Variants in NEGR1 observed in about 807,000 individuals in gnomAD.
The protein encoded by NEGR1 is IgLON family member 4.
A neutral mutation model predicts 40.9 loss-of-function variants in NEGR1; 10 were observed. The ratio of observed to expected loss-of-function variants is 0.24; its 90% confidence interval spans 0.15 to 0.42. The LOEUF (loss-of-function observed/expected upper bound fraction) is 0.42. NEGR1 is among the 10% of genes least tolerant of loss of function. NEGR1 has a pLI of 1.00. For synonymous variants in NEGR1, 185 were observed against 166.8 expected (o/e 1.11, Z -0.84); for missense variants, 352 against 438.9 (o/e 0.80, Z 1.77).
chr1:71,784,079 G>A (rs1202703006), intron 2 of NEGR1, among the ~76,000 whole-genome samples: 1 of 152,198 alleles, frequency 6.6e-6, no homozygotes, highest in East Asian at 1.9e-4. Flanking sequence ...TATTGGACAA[G>A]GCTTTTTGAA....
At chr1:72,220,222 T>A (rs1653966496) in intron 1 of NEGR1, among the ~76,000 whole-genome samples, 1 of 151,646 alleles carries the variant, frequency 6.6e-6, no homozygotes, top group African/African-American at 2.4e-5. Flanking sequence ...GATAAAAAAA[T>A]TCCCTACTCT....
At position 71,715,201 on chromosome 1, in the gene NEGR1, T is replaced by A. The variant is rs530538179; in HGVS notation, c.536-17062A>T. Among the ~76,000 whole-genome samples, 3 of 152,340 alleles carry A rather than the reference T, an allele frequency of 2.0e-5. No individual in the cohort carries two copies. In the South Asian group the frequency reaches 6.2e-4, roughly 32 times the overall value. ...TACATTGATCCCTTTCAGTCGTGGCTGGGATGCAGGGCACCAAGTCCTGAG... is the reference window on the plus strand; with the variant it reads ...TACATTGATCCCTTTCAGTCGTGGCAGGGATGCAGGGCACCAAGTCCTGAG... On this transcript the variant is annotated intron_variant, in intron 3 of 6. Coordinates refer to ENST00000357731, the MANE Select transcript of NEGR1 (RefSeq NM_173808.3).
At chr1:72,201,466 A>G (rs2100447209) in intron 1 of NEGR1, among the ~76,000 whole-genome samples, 1 of 151,960 alleles carries the variant, frequency 6.6e-6, no homozygotes, top group South Asian at 2.1e-4. Flanking sequence ...ATAGTTCAAG[A>G]TATTTTAATG....
intron 1 of NEGR1, among the ~76,000 whole-genome samples, chr1:72,011,111 A>G (rs1388516555): frequency 6.6e-6 from 1 of 152,164 alleles, no homozygotes; most frequent in Non-Finnish European, 1.5e-5. Flanking sequence ...ATTATCTAAT[A>G]TAGTACCCTC....
chr1:71,498,831 T>G (rs11209788), intron 6 of NEGR1, among the ~76,000 whole-genome samples: 37,805 of 152,034 alleles, frequency 0.25, 6,058 homozygotes, highest in East Asian at 0.57. Flanking sequence ...GGTCACTACT[T>G]CACTATAGGG....
intron 2 of NEGR1, among the ~76,000 whole-genome samples, chr1:71,778,347 T>C (rs544439894): frequency 3.4e-4 from 52 of 152,140 alleles, no homozygotes; most frequent in Non-Finnish European, 5.3e-4. Flanking sequence ...GTATAGTATT[T>C]GATAATCTAC....
chr1:72,053,824 T>C (rs1206688406), intron 1 of NEGR1, among the ~76,000 whole-genome samples: 1 of 150,914 alleles, frequency 6.6e-6, no homozygotes, highest in East Asian at 2.0e-4. Flanking sequence ...GAATATCAAT[T>C]GCAGAAGATT....
At chr1:72,055,190 C>A (rs1030322597) in intron 1 of NEGR1, among the ~76,000 whole-genome samples, 6 of 151,068 alleles carry the variant, frequency 4.0e-5, no homozygotes, top group African/African-American at 1.5e-4. Flanking sequence ...TTATGAATAT[C>A]TTTTGAGGCT....
At position 72,081,494 on chromosome 1, in the gene NEGR1, C is replaced by T. The variant is rs539892746; in HGVS notation, c.177-146183G>A. On this transcript the variant is annotated intron_variant, in intron 1 of 6. Transcript: ENST00000357731. ...CTCCCTGTAATTTTCCTTCTTTGCA[C>T]TTGCCACATTTTAAAGTTATATGTT... Among the ~76,000 whole-genome samples, 8 of 152,218 alleles carry T rather than the reference C, an allele frequency of 5.3e-5. No homozygotes were observed. The South Asian group carries it at 1.2e-3, about 24-fold the overall frequency.
At chr1:71,595,898 C>T (rs1649693018) in intron 5 of NEGR1, among the ~76,000 whole-genome samples, 2 of 152,140 alleles carry the variant, frequency 1.3e-5, no homozygotes, top group Admixed American at 1.3e-4. Flanking sequence ...TAATTGATGA[C>T]ATGTTTTTCT....
At chr1:71,435,676 C>T (rs1358042552) in intron 6 of NEGR1, among the ~76,000 whole-genome samples, 1 of 152,138 alleles carries the variant, frequency 6.6e-6, no homozygotes, top group Non-Finnish European at 1.5e-5. Context: ...ATAAAGCTGC[C>T]AACCCCTGAG....
At chr1:71,969,401 A>G (rs912670358) in intron 1 of NEGR1, among the ~76,000 whole-genome samples, 5 of 152,234 alleles carry the variant, frequency 3.3e-5, no homozygotes, top group African/African-American at 7.2e-5. Context: ...CCTGTTATAC[A>G]GTATTGCCTT....
At chr1:71,680,082 C>A (rs1652786119) in intron 4 of NEGR1, among the ~76,000 whole-genome samples, 1 of 151,834 alleles carries the variant, frequency 6.6e-6, no homozygotes, top group Non-Finnish European at 1.5e-5. Context: ...AATATTATTT[C>A]CTTCTAATCT....
intron 6 of NEGR1, among the ~76,000 whole-genome samples, chr1:71,533,512 C>T (rs1211202208): frequency 7.3e-5 from 11 of 151,666 alleles, no homozygotes; most frequent in Non-Finnish European, 1.0e-4. Context: ...TATCCCTATA[C>T]ATCTCACACA....
At chr1:71,661,737 C>A (rs1652061237) in intron 4 of NEGR1, among the ~76,000 whole-genome samples, 1 of 152,086 alleles carries the variant, frequency 6.6e-6, no homozygotes, top group East Asian at 1.9e-4. Flanking sequence ...TTCATACTAC[C>A]ATCTAGCCTA....
intron 1 of NEGR1, among the ~76,000 whole-genome samples, chr1:72,039,441 T>C (rs1248893127): frequency 6.6e-6 from 1 of 151,954 alleles, no homozygotes; most frequent in Admixed American, 6.6e-5. Flanking sequence ...CAGGAGAACA[T>C]GTATTTCAGT....
intron 6 of NEGR1, among the ~76,000 whole-genome samples, chr1:71,523,593 C>T (rs1252978665): frequency 6.6e-6 from 1 of 151,840 alleles, no homozygotes; most frequent in Non-Finnish European, 1.5e-5. Flanking sequence ...AAGTCGGCTA[C>T]TGATGCTGGC....
chr1:72,223,974 A>G (rs545733492), intron 1 of NEGR1, among the ~76,000 whole-genome samples: 20 of 152,288 alleles, frequency 1.3e-4, no homozygotes, highest in African/African-American at 4.8e-4. Context: ...ATTATTACCA[A>G]TGCAGTCCCT....
chr1:72,130,424 A>G (rs1164087054), intron 1 of NEGR1, among the ~76,000 whole-genome samples: 1 of 152,164 alleles, frequency 6.6e-6, no homozygotes. Context: ...TTCCAGATAT[A>G]CTGGAGTACA....
Sources: allele counts gnomAD v4.1 joint callset (sites outside exome capture counted in the v4.1 genomes callset), GRCh38; gene constraint gnomAD v4.1.1; transcripts MANE v1.5; gene names NCBI Gene and HGNC (gene_info 2026-07-23, HGNC 2026-07-21).